The following GPM6A variants were observed in gnomAD, a reference collection of about 807,000 sequenced individuals.
GPM6A encodes neuronal membrane glycoprotein M6-a.
A neutral mutation model predicts 32.1 loss-of-function variants in GPM6A; 7 were observed. The observed-to-expected ratio is 0.22, with a 90% CI of 0.12 to 0.41. The LOEUF is 0.41. Ranked by LOEUF, GPM6A falls within the 10% of genes least tolerant of loss-of-function variation. GPM6A has a pLI of 1.00. For missense variants in GPM6A, 235 were observed against 347.2 expected (o/e 0.68, Z 2.57); for synonymous variants, 130 against 123.4 (o/e 1.05, Z -0.35).
intron 2 of GPM6A, among the ~76,000 whole-genome samples, chr4:175,679,166 T>A (rs1743543774): frequency 2.0e-5 from 3 of 152,164 alleles, no homozygotes; most frequent in South Asian, 2.1e-4. Context: ...TCTTCTTTAA[T>A]CTGGAACACT....
At chr4:175,641,310 T>C (rs1454924814) in intron 4 of GPM6A, 1 of 155,920 alleles carries the variant, frequency 6.4e-6, no homozygotes, top group Non-Finnish European at 1.4e-5. Context: ...AAATGAAAAG[T>C]TGCCATTTCG....
chr4:175,715,926 G>C (rs977375281), intron 1 of GPM6A, among the ~76,000 whole-genome samples: 2 of 152,118 alleles, frequency 1.3e-5, no homozygotes, highest in African/African-American at 4.8e-5. Flanking sequence ...TTAGCTGGGT[G>C]TGGTGGCACA....
chr4:175,881,478 G>A (rs1424381760), intron 1 of GPM6A, among the ~76,000 whole-genome samples: 1 of 152,156 alleles, frequency 6.6e-6, no homozygotes, highest in Non-Finnish European at 1.5e-5. Context: ...ATTTGACCCA[G>A]CCATCCCATT....
rs937418832 is a variant in GPM6A, at chr4:175,634,706, A to G, written c.*199T>C. 1.3e-4 allele frequency: 63 copies of G among 500,930 alleles called. No homozygotes were observed. Among genetic ancestry groups the G allele is most frequent in the Middle Eastern group, 8.9e-4 (2 of 2,248 alleles). 31.0% of individuals were successfully genotyped at this position (500,930 alleles called of 1,614,324 possible). ...AAGGCTGGATAGGAGCTTGTAGAAA[A>G]GATCTGATTTACATCAATTTAATAA... On this transcript the variant is annotated 3_prime_UTR_variant, in exon 7 of 7. Coordinates refer to ENST00000393658, the MANE Select transcript of GPM6A (RefSeq NM_201591.3).
chr4:175,851,900 G>A (rs933148185), intron 1 of GPM6A, among the ~76,000 whole-genome samples: 2 of 144,464 alleles, frequency 1.4e-5, no homozygotes, highest in African/African-American at 2.5e-5. Flanking sequence ...ACACATGTCG[G>A]TGGTGCCTTA....
At chr4:175,845,388 C>T (rs1255353305) in intron 1 of GPM6A, among the ~76,000 whole-genome samples, 7 of 152,014 alleles carry the variant, frequency 4.6e-5, no homozygotes, top group African/African-American at 9.7e-5. Context: ...TTGATTTCGA[C>T]GTTTCCCTAA....
intron 1 of GPM6A, among the ~76,000 whole-genome samples, chr4:175,836,921 C>T (rs1161743425): frequency 6.6e-6 from 1 of 152,128 alleles, no homozygotes; most frequent in Non-Finnish European, 1.5e-5. Context: ...CCCAGGATGT[C>T]CGTGTTCTAA....
intron 1 of GPM6A, among the ~76,000 whole-genome samples, chr4:175,847,447 T>G (rs186848565): frequency 3.0e-4 from 45 of 152,296 alleles, no homozygotes; most frequent in Admixed American, 6.5e-4. Flanking sequence ...CCATTCTGCC[T>G]AGGACGTGCC....
chr4:175,861,834 C>T (rs182855078), intron 1 of GPM6A, among the ~76,000 whole-genome samples: 2 of 150,848 alleles, frequency 1.3e-5, no homozygotes, highest in Non-Finnish European at 2.9e-5. Flanking sequence ...TTCACTATCC[C>T]TAATATAAAT....
At chr4:175,736,414 C>A (rs1731662328) in intron 1 of GPM6A, among the ~76,000 whole-genome samples, 1 of 152,156 alleles carries the variant, frequency 6.6e-6, no homozygotes, top group African/African-American at 2.4e-5. Context: ...ATCTATGCCA[C>A]CTGTTTTAAA....
intron 1 of GPM6A, among the ~76,000 whole-genome samples, chr4:175,840,740 A>G: frequency 7.3e-6 from 1 of 136,228 alleles, no homozygotes; most frequent in East Asian, 2.2e-4. Flanking sequence ...AGAATCCAGC[A>G]TGAAAGAGAA....
chr4:175,959,265 T>C (rs193026533), intron 1 of GPM6A, among the ~76,000 whole-genome samples: 1 of 152,142 alleles, frequency 6.6e-6, no homozygotes, highest in African/African-American at 2.4e-5. Flanking sequence ...AACAGTCATG[T>C]CCCCATCTTC....
chr4:175,666,484 T>C (rs1454420649), intron 3 of GPM6A, among the ~76,000 whole-genome samples: 2 of 152,212 alleles, frequency 1.3e-5, no homozygotes, highest in Non-Finnish European at 1.5e-5. Context: ...GAGTTTTTTC[T>C]GAAAATAATT....
chr4:175,641,369 A>C (rs1287529407), intron 4 of GPM6A: 1 of 153,474 alleles, frequency 6.5e-6, no homozygotes, highest in African/African-American at 2.4e-5. Context: ...CAGCATTAGA[A>C]TCACCTAGGA....
chr4:175,886,279 T>C (rs958913256), intron 1 of GPM6A, among the ~76,000 whole-genome samples: 5 of 152,064 alleles, frequency 3.3e-5, no homozygotes, highest in Non-Finnish European at 5.9e-5. Flanking sequence ...ATTCACAGTA[T>C]CCATAAGAGC....
intron 1 of GPM6A, among the ~76,000 whole-genome samples, chr4:175,777,271 A>G (rs1733434260): frequency 6.6e-6 from 1 of 152,152 alleles, no homozygotes; most frequent in African/African-American, 2.4e-5. Context: ...TAAAGATCAT[A>G]GGTTTTATTT....
intron 2 of GPM6A, among the ~76,000 whole-genome samples, chr4:175,682,894 T>G (rs2111011924): frequency 6.6e-6 from 1 of 152,256 alleles, no homozygotes; most frequent in South Asian, 2.1e-4. Context: ...CTCTGCTAGA[T>G]GCAATGCCAA....
chr4:175,815,274 C>G (rs1284843857), upstream of GPM6A, among the ~76,000 whole-genome samples: 1 of 152,150 alleles, frequency 6.6e-6, no homozygotes, highest in Non-Finnish European at 1.5e-5. Flanking sequence ...CTCGGCCTCC[C>G]AGAGTGCTGG....
intron 1 of GPM6A, among the ~76,000 whole-genome samples, chr4:175,838,501 C>A (rs1022916955): frequency 3.3e-5 from 5 of 151,472 alleles, no homozygotes; most frequent in Non-Finnish European, 7.4e-5. Context: ...AGTCAGTAGT[C>A]TACTCCAATA....
Sources: allele counts gnomAD v4.1 joint callset (sites outside exome capture counted in the v4.1 genomes callset), GRCh38; gene constraint gnomAD v4.1.1; transcripts MANE v1.5; gene names NCBI Gene and HGNC (gene_info 2026-07-23, HGNC 2026-07-21).